Variants in PPP2R5C observed in about 807,000 individuals in gnomAD.
PPP2R5C encodes the protein protein phosphatase 2 regulatory subunit B'gamma.
Under a neutral mutation model 68.9 loss-of-function variants are expected in PPP2R5C, and 7 were observed. The observed-to-expected ratio is 0.10, with a 90% CI of 0.06 to 0.19. The LOEUF (loss-of-function observed/expected upper bound fraction) is 0.19. Ranked by LOEUF, PPP2R5C falls within the 10% of genes least tolerant of loss-of-function variation. The pLI is 1.00. For missense variants in PPP2R5C, 348 were observed against 641.3 expected, an observed-to-expected ratio of 0.54 and a Z score of 4.94; for synonymous variants, 210 against 222.2, an observed-to-expected ratio of 0.95 and a Z score of 0.49.
At position 101,770,442 on chromosome 14, in the gene PPP2R5C, C is replaced by T. The variant is rs1189030458; in HGVS notation, c.93+7472C>T. On this transcript the variant is annotated intron_variant, in intron 2 of 14. Coordinates refer to the PPP2R5C transcript ENST00000328724. Reference sequence around the variant, plus strand: ...TAACTTGGCCCCCACTCAGTTAGATCTTATTGTCCTTGAGTGGATGGGACA... The same window carrying T: ...TAACTTGGCCCCCACTCAGTTAGATTTTATTGTCCTTGAGTGGATGGGACA... 5.3e-5 allele frequency among the ~76,000 whole-genome samples: 8 copies of T among 152,128 alleles called. No homozygotes were observed. The East Asian group carries it at 1.5e-3, about 29-fold the overall frequency.
At chr14:101,839,939 G>A (rs2041360466) in intron 1 of PPP2R5C, among the ~76,000 whole-genome samples, 1 of 149,502 alleles carries the variant, frequency 6.7e-6, no homozygotes, top group African/African-American at 2.5e-5. Flanking sequence ...CCTTTCCTGT[G>A]TTGTTTGGAT....
chr14:101,886,053 G>C (rs554001538), intron 5 of PPP2R5C, among the ~76,000 whole-genome samples: 1 of 152,156 alleles, frequency 6.6e-6, no homozygotes, highest in Non-Finnish European at 1.5e-5. Context: ...AGGCCGAGGC[G>C]GGCAGATCAC....
At chr14:101,921,054 C>CTTGTTTTTTTT (rs2046974877) in intron 13 of PPP2R5C, 1 of 53,356 alleles carries the variant, frequency 1.9e-5, no homozygotes, top group Non-Finnish European at 3.6e-5. Flanking sequence ...ATAAATTCTG[C>CTTGTTTTTTTT]TTTTTTTTTT....
In PPP2R5C at chr14:101,781,784, T is replaced by C. The variant is rs1201972619; in HGVS notation, c.94-4234T>C. On this transcript the variant is annotated intron_variant, in intron 2 of 14. Transcript: ENST00000328724. The surrounding 1 kb of genome is among the most constrained non-coding windows in gnomAD (Gnocchi z 6.4). ...TGCGTTGCGCGCTCCAACCCTCTGC[T>C]TGGCCGCCCGCGAACCGCGCTCTCC... Among the ~76,000 whole-genome samples the C allele has an allele frequency of 1.3e-5, 2 of 151,598 alleles. No individual in the cohort carries two copies. Among genetic ancestry groups the C allele is most frequent in the Admixed American group, 6.6e-5 (1 of 15,260 alleles).
chr14:101,881,583 G>A (rs554719683), intron 2 of PPP2R5C, among the ~76,000 whole-genome samples: 18 of 152,154 alleles, frequency 1.2e-4, no homozygotes, highest in Non-Finnish European at 2.4e-4. Context: ...TGCCCCTACC[G>A]ATCCTCTGTG....
At position 101,797,294 on chromosome 14, in the gene PPP2R5C, T is replaced by A; in HGVS notation, c.259+11111T>A. ...CTTCAGTGATGTGTGGACGGACACA[T>A]TCCGCGTATCCCCCAATCAGTGGAT... is the stretch of plus-strand genomic sequence containing the variant. On this transcript the variant is annotated intron_variant, in intron 3 of 14. Transcript: ENST00000328724. The surrounding 1 kb of genome is among the most constrained non-coding windows in gnomAD (Gnocchi z 4.2). 1 of 456,074 alleles carries A rather than the reference T, an allele frequency of 2.2e-6. No individual in the cohort carries two copies. Among genetic ancestry groups the A allele is most frequent in the Non-Finnish European group, 4.4e-6 (1 of 226,802 alleles). The allele number at this position is 456,074 out of a possible 1,614,324, so 28.3% of individuals were successfully genotyped here.
At chr14:101,806,040 T>G (rs1424704955), upstream of PPP2R5C, among the ~76,000 whole-genome samples, 2 of 152,214 alleles carry the variant, frequency 1.3e-5, no homozygotes, top group Non-Finnish European at 2.9e-5. Context: ...TGAAAACAGT[T>G]AAGATGGTAC....
At chr14:101,853,701 G>T (rs915339689) in intron 1 of PPP2R5C, among the ~76,000 whole-genome samples, 1 of 152,128 alleles carries the variant, frequency 6.6e-6, no homozygotes, top group African/African-American at 2.4e-5. Context: ...CCACTTCATA[G>T]CACCGTGGCC....
In PPP2R5C at chr14:101,892,247, G is replaced by A. The variant is rs189928130; in HGVS notation, c.690-753G>A. Among the ~76,000 whole-genome samples the A allele has an allele frequency of 1.2e-3, 179 of 152,088 alleles. 1 individual carries two copies. Among genetic ancestry groups the A allele is most frequent in the Middle Eastern group, 0.01 (3 of 294 alleles). ...GCTGGGATTACAGGTATGAGCCACC[G>A]CCTGGCCCTAACTGATTTTTAACCA... On this transcript the variant is annotated intron_variant, in intron 6 of 13. Coordinates refer to ENST00000334743, the Ensembl canonical transcript of PPP2R5C.
intron 2 of PPP2R5C, 74 bp downstream of exon 4, chr14:101,856,959 A>G (rs1180526767): frequency 4.3e-6 from 6 of 1,385,230 alleles, no homozygotes; most frequent in Non-Finnish European, 6.1e-6. Context: ...CTCTGAGCCT[A>G]ACACAGTGCT....
intron 2 of PPP2R5C, chr14:101,766,575 T>G (rs1377625780): frequency 6.6e-6 from 1 of 152,232 alleles, no homozygotes; most frequent in Non-Finnish European, 1.5e-5. Context: ...AAACTTCTAC[T>G]CCTTGAATGA....
In PPP2R5C at chr14:101,835,012, TGTTTTG is replaced by T. The variant is rs905284793; in HGVS notation, c.95-21673_95-21668del. Among the ~76,000 whole-genome samples, 1 of 152,196 alleles carries T rather than the reference TGTTTTG, an allele frequency of 6.6e-6. No individual in the cohort carries two copies. The highest frequency in any genetic ancestry group is 1.5e-5 in the Non-Finnish European group (1 of 68,030). On this transcript the variant is annotated intron_variant, in intron 1 of 13. Coordinates refer to ENST00000334743, the Ensembl canonical transcript of PPP2R5C. This position sits in a 1 kb window ranked among gnomAD's most constrained non-coding sequence, Gnocchi z 5.0. ...AGTGGCTTGGAGAAGTGTTTTGTTTTGTTTTGTTTACTTTTTAGGAGTGTATTCAAA... is the reference window on the plus strand; with the variant it reads ...AGTGGCTTGGAGAAGTGTTTTGTTTTTTTACTTTTTAGGAGTGTATTCAAA...
At chr14:101,810,840 A>G (rs1392442393) in intron 1 of PPP2R5C, among the ~76,000 whole-genome samples, 1 of 152,218 alleles carries the variant, frequency 6.6e-6, no homozygotes, top group Non-Finnish European at 1.5e-5. Context: ...ATATTGAACT[A>G]CAGGCATCAG....
chr14:101,826,265 A>G (rs1033976960), intron 1 of PPP2R5C, among the ~76,000 whole-genome samples: 1 of 152,180 alleles, frequency 6.6e-6, no homozygotes, highest in East Asian at 1.9e-4. Flanking sequence ...AGAGTTTTTT[A>G]ATATGAATTC....
At chr14:101,761,703 GCC>G, upstream of PPP2R5C, 5 of 429,088 alleles carry the variant, frequency 1.2e-5, no homozygotes, top group Non-Finnish European at 9.2e-6. Flanking sequence ...CGCCGCCGCC[GCC>G]GCCGCCGCCG....
intron 13 of PPP2R5C, among the ~76,000 whole-genome samples, chr14:101,924,419 C>A (rs1274742358): frequency 6.0e-5 from 6 of 100,100 alleles, no homozygotes. Context: ...CATTCTTTTT[C>A]TTTACCTCCA....
chr14:101,816,893 TATATAA>T (rs2039725660), intron 1 of PPP2R5C, among the ~76,000 whole-genome samples: 1 of 126,308 alleles, frequency 7.9e-6, no homozygotes, highest in Non-Finnish European at 1.6e-5. Flanking sequence ...ATATATATAT[TATATAA>T]ATATATATAT....
At chr14:101,865,746 G>C (rs901892680) in intron 2 of PPP2R5C, among the ~76,000 whole-genome samples, 1 of 152,202 alleles carries the variant, frequency 6.6e-6, no homozygotes, top group Non-Finnish European at 1.5e-5. Context: ...CAGCCCCCGT[G>C]ACAAAGTTGT....
rs144544326 is a variant in PPP2R5C at position 101,849,454 on chromosome 14, G to A, written c.95-7232G>A. Among the ~76,000 whole-genome samples the A allele has an allele frequency of 2.8e-3, 425 of 152,332 alleles. 2 individuals carry two copies. The highest frequency in any genetic ancestry group is 0.014 in the Middle Eastern group (4 of 294). ...AATGAGAGTGACGAGCCCTTCATAC[G>A]TGGTTAGCCATTTGGATCTATTTTG... On this transcript the variant is annotated intron_variant, in intron 1 of 13. Coordinates refer to ENST00000334743, the Ensembl canonical transcript of PPP2R5C.
Sources: gnomAD v4.1 joint callset for allele counts (sites outside exome capture counted in the v4.1 genomes callset) on GRCh38, gnomAD v4.1.1 for gene constraint, Gnocchi (gnomAD v3.1) non-coding constraint, MANE v1.5 for transcripts, NCBI Gene and HGNC (gene_info 2026-07-23, HGNC 2026-07-21) for gene names.